The following TMEM116 variants were observed in gnomAD, a reference collection of about 807,000 sequenced individuals.
TMEM116 encodes the protein transmembrane protein 116.
TMEM116 carries 38 observed loss-of-function variants against 44.3 expected under a neutral mutation model. The observed-to-expected ratio is 0.86, with a 90% CI of 0.66 to 1.12. The LOEUF (loss-of-function observed/expected upper bound fraction) is 1.12, where lower values mean the gene tolerates loss of function less well. TMEM116 is among the 50% of genes most tolerant of loss of function. The probability of loss-of-function intolerance (pLI) is 0.00; values close to 1 mark genes in which losing one functional copy is unlikely to be tolerated. For synonymous variants in TMEM116, 132 were observed against 144.8 expected (o/e 0.91, Z 0.64); for missense variants, 354 against 401.7 (o/e 0.88, Z 1.01).
At chr12:111,974,518 C>T (rs960287469) in intron 4 of TMEM116, among the ~76,000 whole-genome samples, 1 of 151,788 alleles carries the variant, frequency 6.6e-6, no homozygotes, top group Non-Finnish European at 1.5e-5. Context: ...ATTAGCTGGG[C>T]GTGGTGGTGC....
At chr12:111,959,421 C>T (rs368811055) in intron 4 of TMEM116, among the ~76,000 whole-genome samples, 10 of 152,106 alleles carry the variant, frequency 6.6e-5, no homozygotes, top group South Asian at 4.1e-4. Flanking sequence ...ATCGACACTA[C>T]GAAGAAACTG....
rs550437901 is a variant in TMEM116 at position 111,971,467 on chromosome 12, C to T, written c.210+20291G>A. On this transcript the variant is annotated intron_variant, in intron 4 of 10. Coordinates refer to ENST00000552374, the MANE Select transcript of TMEM116 (RefSeq NM_001193531.2). Reference sequence around the variant, plus strand: ...AGTTTAACTGCAATGTTAAAATGTACGCTGTAAACCCTGTAACACAACCAG... The same window carrying T: ...AGTTTAACTGCAATGTTAAAATGTATGCTGTAAACCCTGTAACACAACCAG... 3.1e-4 allele frequency among the ~76,000 whole-genome samples: 47 copies of T among 149,990 alleles called. 1 individual carries two copies. The highest frequency in any genetic ancestry group is 5.5e-4 in the Non-Finnish European group (37 of 67,674).
intron 3 of TMEM116, among the ~76,000 whole-genome samples, chr12:111,999,710 C>T (rs7307862): frequency 0.21 from 32,451 of 151,970 alleles, 5,579 homozygotes; most frequent in East Asian, 0.85. Context: ...TAAAACTGTA[C>T]TATGAGATGA....
At position 111,932,606 on chromosome 12, in the gene TMEM116, T is replaced by C. The variant is rs1565859482; in HGVS notation, c.787A>G (p.Met263Val). The change falls in exon 10 of 11, where the codon ATG becomes GTG. Residue 263 changes from methionine (M) to valine (V), a missense_variant. Transcript: ENST00000552374. The part of the protein sequence containing the change: ...LTKPQDTKLH[M>V]ALYVLQALTA... Reference sequence around the variant, plus strand: ...GTTACCTGGAGAACATAAAGGGCCATGTGAAGCTTGGTGTCCTGTGGCTTA... The same window carrying C: ...GTTACCTGGAGAACATAAAGGGCCACGTGAAGCTTGGTGTCCTGTGGCTTA... 5 of 1,614,028 alleles carry C rather than the reference T, an allele frequency of 3.1e-6. No individual in the cohort carries two copies. Among genetic ancestry groups the C allele is most frequent in the Non-Finnish European group, 4.2e-6 (5 of 1,179,978 alleles).
intron 4 of TMEM116, among the ~76,000 whole-genome samples, chr12:111,946,954 A>T (rs536329858): frequency 6.6e-6 from 1 of 152,292 alleles, no homozygotes; most frequent in South Asian, 2.1e-4. Context: ...CCTTTTCATC[A>T]GATTTGACTC....
At chr12:111,990,254 CAA>C (rs1298645737) in intron 4 of TMEM116, among the ~76,000 whole-genome samples, 7 of 81,928 alleles carry the variant, frequency 8.5e-5, no homozygotes, top group Admixed American at 1.3e-4. Flanking sequence ...GACTCCGCCT[CAA>C]AAAAAAAAAA....
chr12:111,954,558 TA>T (rs1046460690), intron 4 of TMEM116, among the ~76,000 whole-genome samples: 17 of 152,192 alleles, frequency 1.1e-4, no homozygotes, highest in Non-Finnish European at 2.5e-4. Flanking sequence ...TTTTACAAGA[TA>T]AAACTAAGAC....
At position 112,003,917 on chromosome 12, in the gene TMEM116, G is replaced by A. The variant is rs564354217; in HGVS notation, c.15-54C>T. The A allele has an allele frequency of 8.3e-4, 1,175 of 1,419,778 alleles. 20 individuals carry two copies. The South Asian group carries it at 0.016, about 20-fold the overall frequency. The allele number at this position is 1,419,778 out of a possible 1,614,324, so 87.9% of individuals were successfully genotyped here. A position where few individuals can be genotyped will look rare whatever the true frequency, so the allele number is the denominator to read the frequency against. On this transcript the variant is annotated intron_variant, in intron 2 of 10. Coordinates refer to ENST00000552374, the MANE Select transcript of TMEM116 (RefSeq NM_001193531.2). ...TAAAGCAGGACAATGGAGTGCCATC[G>A]TTTTTGTTATTAATTTTGGGTTTTT...
At chr12:111,997,378 AC>A (rs984690175) in intron 3 of TMEM116, among the ~76,000 whole-genome samples, 2 of 151,984 alleles carry the variant, frequency 1.3e-5, no homozygotes, top group African/African-American at 4.8e-5. Context: ...ACATAACAAG[AC>A]CCCTGTCTCT....
At chr12:112,010,275 C>T (rs2077776901) in intron 1 of TMEM116, 1 of 152,220 alleles carries the variant, frequency 6.6e-6, no homozygotes. Context: ...TTCCCTTCTT[C>T]TAATTTCTAT....
chr12:112,005,456 C>G, intron 1 of TMEM116, 153 bp from the exon 2 acceptor site: 1 of 550,386 alleles, frequency 1.8e-6, no homozygotes, highest in East Asian at 3.6e-5. Flanking sequence ...AAAGGCTGAA[C>G]AGGCCCCTGG....
intron 4 of TMEM116, among the ~76,000 whole-genome samples, chr12:111,974,215 T>C (rs577516615): frequency 5.9e-5 from 9 of 152,044 alleles, no homozygotes; most frequent in South Asian, 2.1e-4. Flanking sequence ...GAAAAATCTA[T>C]GGCTAGCATT....
At chr12:111,973,065 G>A (rs564344272) in intron 4 of TMEM116, among the ~76,000 whole-genome samples, 24 of 152,284 alleles carry the variant, frequency 1.6e-4, no homozygotes, top group Middle Eastern at 3.4e-3. Flanking sequence ...TTGAACCCAG[G>A]AGGTGGAGGC....
At chr12:111,994,953 C>T (rs2076848667) in intron 3 of TMEM116, among the ~76,000 whole-genome samples, 1 of 152,154 alleles carries the variant, frequency 6.6e-6, no homozygotes, top group Non-Finnish European at 1.5e-5. Flanking sequence ...GGTTGCATTG[C>T]ATTCCCAGAG....
chr12:111,979,885 A>AATAC (rs2136521162), intron 4 of TMEM116, among the ~76,000 whole-genome samples: 1 of 152,340 alleles, frequency 6.6e-6, no homozygotes, highest in East Asian at 1.9e-4. Context: ...ACAAGACACC[A>AATAC]ATACATACCT....
At chr12:111,954,739 T>C (rs2073964512) in intron 4 of TMEM116, among the ~76,000 whole-genome samples, 1 of 152,208 alleles carries the variant, frequency 6.6e-6, no homozygotes. Flanking sequence ...GACTAGCACA[T>C]TCTTCCAGGA....
At chr12:111,969,061 C>T (rs1434793553) in intron 4 of TMEM116, among the ~76,000 whole-genome samples, 1 of 151,172 alleles carries the variant, frequency 6.6e-6, no homozygotes, top group Non-Finnish European at 1.5e-5. Flanking sequence ...TGGCTCACGC[C>T]TGTAATCCCA....
intron 4 of TMEM116, among the ~76,000 whole-genome samples, chr12:111,981,738 T>A (rs2075954545): frequency 6.6e-6 from 1 of 152,134 alleles, no homozygotes; most frequent in African/African-American, 2.4e-5. Flanking sequence ...CTGAAAGAAA[T>A]CCTGTATTCA....
intron 4 of TMEM116, among the ~76,000 whole-genome samples, chr12:111,946,533 C>G (rs991890866): frequency 2.0e-5 from 3 of 152,190 alleles, no homozygotes; most frequent in Admixed American, 2.0e-4. Flanking sequence ...GGTTTAGGAA[C>G]ACCTTTAAGT....
Sources: allele counts gnomAD v4.1 joint callset (sites outside exome capture counted in the v4.1 genomes callset), GRCh38; gene constraint gnomAD v4.1.1; transcripts MANE v1.5; gene names NCBI Gene and HGNC (gene_info 2026-07-23, HGNC 2026-07-21).